MDN1: variants seen among roughly 807,000 people sequenced by gnomAD.
MDN1 encodes the protein midasin AAA ATPase 1, also known as midasin.
A neutral mutation model predicts 669.2 loss-of-function variants in MDN1; 266 were observed. The ratio of observed to expected loss-of-function variants is 0.40; its 90% CI spans 0.36 to 0.44. The LOEUF (loss-of-function observed/expected upper bound fraction) is 0.44, where lower values mean the gene tolerates loss of function less well. MDN1 is among the 20% of genes least tolerant of loss of function. The pLI is 1.00. For synonymous variants in MDN1, 2,385 were observed against 2,457.1 expected (o/e 0.97, Z 0.87); for missense variants, 5,940 against 6,754.0 (o/e 0.88, Z 4.22).
intron 101 of MDN1, among the ~76,000 whole-genome samples, 166 bp downstream of exon 101, chr6:89,644,849 T>G (rs544265194): frequency 6.6e-6 from 1 of 152,162 alleles, no homozygotes; most frequent in Non-Finnish European, 1.5e-5. Flanking sequence ...TTGCAAAGAT[T>G]AATAGAGAAA....
intron 92 of MDN1, 113 bp from the exon 93 acceptor site, chr6:89,654,447 G>C: frequency 7.3e-7 from 1 of 1,361,954 alleles, no homozygotes; most frequent in Non-Finnish European, 1.0e-6. Flanking sequence ...AGTGATGCAA[G>C]TTGTGCCACT....
chr6:89,676,165 C>T lies in MDN1; in HGVS notation c.12582G>A (p.Lys4194=), dbSNP rs1170474360. ...EISSSWDGCQ[K]YFYRSLARHA... ...GCCGTGCAAGAGAGCGATAAAAATA[C>T]TTCTGGCATCCATCCCATGAAGACG... The change falls in exon 77 of 102, where the codon AAG becomes AAA. Residue 4194 remains lysine, a synonymous_variant. Coordinates refer to ENST00000369393, the MANE Select transcript of MDN1 (RefSeq NM_014611.3). The T allele has an allele frequency of 6.2e-7, 1 of 1,614,230 alleles. No homozygotes were observed.
chr6:89,653,106 G>A lies in MDN1; in HGVS notation c.15711C>T (p.Asp5237=). 6.2e-7 allele frequency: 1 copy of A among 1,613,818 alleles called. No individual in the cohort carries two copies. The highest frequency in any genetic ancestry group is 8.5e-7 in the Non-Finnish European group (1 of 1,179,926). Residue 5237 remains aspartate (D), a synonymous_variant, in exon 94 of 102, where the codon GAC becomes GAT. Transcript: ENST00000369393. The part of the protein sequence containing the change: ...VEIQTVKTEE[D]QDPRTDKAHK... ...GGGCTTTGTCTGTTCTGGGGTCTTG[G>A]TCTTCCTCTGTTTTAACAGTTTGGA...
intron 26 of MDN1, among the ~76,000 whole-genome samples, chr6:89,747,999 C>T (rs1816750783): frequency 6.6e-6 from 1 of 151,464 alleles, no homozygotes; most frequent in South Asian, 2.1e-4. Context: ...AAATGGAATT[C>T]CACATTTCTT....
At chr6:89,671,370 C>G (rs1810745050) in intron 82 of MDN1, among the ~76,000 whole-genome samples, 1 of 152,208 alleles carries the variant, frequency 6.6e-6, no homozygotes, top group Non-Finnish European at 1.5e-5. Context: ...CACAGTGGCT[C>G]ACGCCTTTAA....
At chr6:89,688,884 A>G in intron 65 of MDN1, 76 bp from the exon 66 acceptor site, 5 of 1,243,982 alleles carry the variant, frequency 4.0e-6, no homozygotes, top group Non-Finnish European at 5.7e-6. Context: ...GATGTCAGCA[A>G]CAGGGCCAGG....
intron 17 of MDN1, among the ~76,000 whole-genome samples, chr6:89,761,394 A>G (rs1001025333): frequency 6.6e-6 from 1 of 152,210 alleles, no homozygotes; most frequent in African/African-American, 2.4e-5. Flanking sequence ...TTCATAAATC[A>G]TAACACCCTT....
chr6:89,657,386 G>A (rs962292701), intron 90 of MDN1, among the ~76,000 whole-genome samples: 65 of 152,198 alleles, frequency 4.3e-4, no homozygotes, highest in African/African-American at 1.4e-3. Context: ...ACTGTAACCA[G>A]CAGGTCCTGC....
At chr6:89,680,842 C>T in intron 73 of MDN1, 91 bp from the exon 74 acceptor site, 1 of 1,375,668 alleles carries the variant, frequency 7.3e-7, no homozygotes, top group Non-Finnish European at 9.9e-7. Context: ...CACACAAAAA[C>T]ACATCCCTAG....
In MDN1 at chr6:89,730,860, A is replaced by C; in HGVS notation, c.5006T>G (p.Ile1669Ser). The C allele has an allele frequency of 6.2e-7, 1 of 1,614,070 alleles. No individual in the cohort carries two copies. The highest frequency in any genetic ancestry group is 8.5e-7 in the Non-Finnish European group (1 of 1,179,970). The change falls in exon 35 of 102, where the codon ATC becomes AGC. Residue 1669 changes from isoleucine to serine, a missense_variant. By Grantham distance (142) the Ile-to-Ser change is moderately radical. Transcript: ENST00000369393. The stretch of plus-strand genomic sequence containing the variant: ...TCGTACTATCTTGGCAAGCCTCTTG[A>C]TTAGAAATTTCAGACATTCTTTTCG... The part of the protein sequence containing the change: ...LARKECLKFL[I>S]KRLAKIVRLT...
chr6:89,783,484 T>C (rs1818791947), intron 9 of MDN1, among the ~76,000 whole-genome samples: 2 of 152,192 alleles, frequency 1.3e-5, no homozygotes. Flanking sequence ...TAGAGCCTTA[T>C]CAGTAGTTCT....
Position 89,650,752 on chromosome 6 carries a change from A to G in MDN1, c.16011T>C (p.Pro5337=). ...CTTACTTCAGCTTGGCTGCCTGGGT[A>G]GGCTCTAATATGAGACGAAGCTCTT... is the stretch of plus-strand genomic sequence containing the variant. The part of the protein sequence containing the change: ...LCEELRLILE[P]TQAAKLKGDY... The change falls in exon 96 of 102, where the codon CCT becomes CCC. Residue 5337 remains proline (P), a synonymous_variant. Transcript: ENST00000369393. 6.2e-7 allele frequency: 1 copy of G among 1,614,024 alleles called. No individual in the cohort carries two copies. The highest frequency in any genetic ancestry group is 1.1e-5 in the South Asian group (1 of 91,082).
Position 89,730,859 on chromosome 6 carries a change from G to A in MDN1, c.5007C>T (p.Ile1669=). The part of the protein sequence containing the change: ...LARKECLKFL[I]KRLAKIVRLT... The stretch of plus-strand genomic sequence containing the variant: ...GTCGTACTATCTTGGCAAGCCTCTT[G>A]ATTAGAAATTTCAGACATTCTTTTC... Residue 1669 remains isoleucine, a synonymous_variant, in exon 35 of 102, where the codon ATC becomes ATT. Coordinates refer to ENST00000369393, the MANE Select transcript of MDN1 (RefSeq NM_014611.3). The A allele has an allele frequency of 6.2e-7, 1 of 1,614,002 alleles. No individual in the cohort carries two copies. Among genetic ancestry groups the A allele is most frequent in the East Asian group, 2.2e-5 (1 of 44,870 alleles).
chr6:89,643,919 T>C lies in MDN1; in HGVS notation c.*86A>G, dbSNP rs1584068210. On this transcript the variant is annotated 3_prime_UTR_variant, in exon 102 of 102. Transcript: ENST00000369393. ...AATAAAAATATTACAATAAAATTTT[T>C]TGTAGTTGTCCAAAAGGGAGCACCT... 1 of 1,139,208 alleles carries C rather than the reference T, an allele frequency of 8.8e-7. No individual in the cohort carries two copies. Among genetic ancestry groups the C allele is most frequent in the Non-Finnish European group, 1.2e-6 (1 of 825,072 alleles). 70.6% of individuals were successfully genotyped at this position (1,139,208 alleles called of 1,614,324 possible).
chr6:89,692,398 C>G, intron 63 of MDN1, 45 bp downstream of exon 63: 1 of 1,539,890 alleles, frequency 6.5e-7, no homozygotes, highest in East Asian at 2.3e-5. Flanking sequence ...GAACCTGGCT[C>G]TCTGCAGGAG....
At chr6:89,768,789 A>G (rs1160611498) in intron 15 of MDN1, among the ~76,000 whole-genome samples, 2 of 151,906 alleles carry the variant, frequency 1.3e-5, no homozygotes, top group East Asian at 3.9e-4. Flanking sequence ...AAGACCAGCT[A>G]CAGTGCCTAT....
chr6:89,644,984 C>T (rs1431394890), intron 101 of MDN1, 31 bp downstream of exon 101: 3 of 1,568,160 alleles, frequency 1.9e-6, no homozygotes, highest in Non-Finnish European at 2.6e-6. Context: ...CACTTTACCT[C>T]CAGAAAAGGT....
intron 46 of MDN1, among the ~76,000 whole-genome samples, chr6:89,714,051 A>G (rs1814153380): frequency 6.6e-6 from 1 of 151,974 alleles, no homozygotes; most frequent in Non-Finnish European, 1.5e-5. Context: ...AAAAAAAGAA[A>G]AAAAAAAAAA....
chr6:89,715,911 T>G, intron 44 of MDN1, 142 bp from the exon 45 acceptor site: 1 of 672,726 alleles, frequency 1.5e-6, no homozygotes, highest in Admixed American at 2.1e-5. Flanking sequence ...GTGATCTCTT[T>G]CAAAAGTAGA....
Sources: gnomAD v4.1 joint callset for allele counts (sites outside exome capture counted in the v4.1 genomes callset) on GRCh38, gnomAD v4.1.1 for gene constraint, MANE v1.5 for transcripts, NCBI Gene and HGNC (gene_info 2026-07-23, HGNC 2026-07-21) for gene names.